Variants in PACSIN2 observed in about 807,000 individuals in gnomAD.
PACSIN2 encodes protein kinase C and casein kinase substrate in neurons protein 2.
In PACSIN2, 25 loss-of-function variants were observed where a neutral mutation model predicts 63.8. The observed-to-expected ratio is 0.39, with a 90% CI of 0.29 to 0.55. PACSIN2 has a LOEUF of 0.55. PACSIN2 is among the 20% of genes least tolerant of loss of function. The pLI is 0.62. For synonymous variants in PACSIN2, 255 were observed against 256.2 expected (o/e 1.00, Z 0.05); for missense variants, 518 against 646.9 (o/e 0.80, Z 2.16).
At chr22:42,897,145 T>G (rs1357689852) in intron 2 of PACSIN2, among the ~76,000 whole-genome samples, 1 of 152,098 alleles carries the variant, frequency 6.6e-6, no homozygotes, top group African/African-American at 2.4e-5. Context: ...CCGTGTTGCC[T>G]AGGCTGGTCT....
At chr22:42,972,071 G>A (rs1601592892) in intron 1 of PACSIN2, among the ~76,000 whole-genome samples, 1 of 152,194 alleles carries the variant, frequency 6.6e-6, no homozygotes, top group Non-Finnish European at 1.5e-5. Flanking sequence ...ATGGGGGGGG[G>A]AAATGTGGGG....
chr22:42,882,033 TTGGTC>T, intron 7 of PACSIN2, 146 bp downstream of exon 7: 1 of 862,078 alleles, frequency 1.2e-6, no homozygotes, highest in Non-Finnish European at 1.8e-6. Context: ...ATGCCAGAAC[TTGGTC>T]TGTACTATAG....
At chr22:42,903,436 C>T (rs1184915972) in intron 2 of PACSIN2, among the ~76,000 whole-genome samples, 1 of 152,202 alleles carries the variant, frequency 6.6e-6, no homozygotes, top group African/African-American at 2.4e-5. Context: ...TGTTTGAAAA[C>T]ACCAAAGAGT....
rs1174606963 is a variant in PACSIN2 at position 42,870,201 on chromosome 22, C to T, written c.*1156G>A. On this transcript the variant is annotated 3_prime_UTR_variant, in exon 11 of 11. Coordinates refer to ENST00000263246, the MANE Select transcript of PACSIN2 (RefSeq NM_001184970.3). ...TCTGCAACTACTGCAAAGACGCGGG[C>T]ACTTTTACAGTGTTCTGCTACGGAG... 6.6e-6 allele frequency: 1 copy of T among 152,168 alleles called. No homozygotes were observed. The highest frequency in any genetic ancestry group is 2.4e-5 in the African/African-American group (1 of 41,432). 9.4% of individuals were successfully genotyped at this position (152,168 alleles called of 1,614,324 possible).
At chr22:42,943,125 ACTC>A (rs1933250379) in intron 1 of PACSIN2, among the ~76,000 whole-genome samples, 2 of 152,074 alleles carry the variant, frequency 1.3e-5, no homozygotes, top group South Asian at 2.1e-4. Context: ...TCATAAATTT[ACTC>A]CTATTTTATT....
chr22:42,953,699 G>A (rs1933797674), intron 1 of PACSIN2, among the ~76,000 whole-genome samples: 1 of 152,132 alleles, frequency 6.6e-6, no homozygotes, highest in Non-Finnish European at 1.5e-5. Context: ...ACTCCGAGAG[G>A]TTAAGTAATG....
intron 1 of PACSIN2, among the ~76,000 whole-genome samples, chr22:42,960,124 A>C (rs6519353): frequency 0.61 from 92,414 of 151,894 alleles, 28,747 homozygotes; most frequent in East Asian, 0.78. Flanking sequence ...CCCCCTCCCC[A>C]ACACACAAAA....
intron 1 of PACSIN2, among the ~76,000 whole-genome samples, chr22:42,994,608 T>A (rs1193727009): frequency 1.3e-5 from 2 of 152,208 alleles, no homozygotes; most frequent in Admixed American, 6.5e-5. Flanking sequence ...GTCTGGGGGT[T>A]ACTGGGGCAG....
intron 1 of PACSIN2, among the ~76,000 whole-genome samples, chr22:42,919,742 C>T (rs1254228884): frequency 4.6e-5 from 6 of 130,562 alleles, no homozygotes; most frequent in African/African-American, 1.8e-4. Context: ...CACTGTACTC[C>T]AGCCTGGGTG....
At chr22:42,924,106 AGAAG>A (rs1371749721) in intron 1 of PACSIN2, among the ~76,000 whole-genome samples, 2 of 151,520 alleles carry the variant, frequency 1.3e-5, no homozygotes, top group Non-Finnish European at 2.9e-5. Flanking sequence ...GCCCCATACT[AGAAG>A]GAAGGGAGGT....
chr22:42,901,711 T>A (rs1237867684), intron 2 of PACSIN2, among the ~76,000 whole-genome samples: 1 of 152,174 alleles, frequency 6.6e-6, no homozygotes, highest in East Asian at 1.9e-4. Context: ...GCTAAGCCAT[T>A]TCTTCACCCT....
At chr22:42,996,159 G>A (rs1341165263) in intron 1 of PACSIN2, among the ~76,000 whole-genome samples, 2 of 152,020 alleles carry the variant, frequency 1.3e-5, no homozygotes, top group African/African-American at 4.8e-5. Context: ...AGCGGAGCTT[G>A]CAATGAGCCG....
At chr22:43,005,588 C>T (rs930302258) in intron 1 of PACSIN2, among the ~76,000 whole-genome samples, 4 of 152,268 alleles carry the variant, frequency 2.6e-5, no homozygotes, top group East Asian at 1.9e-4. Flanking sequence ...CCCGTGACCC[C>T]GAGTCACCAA....
chr22:42,997,860 G>A (rs1490809767), intron 1 of PACSIN2, among the ~76,000 whole-genome samples: 1 of 152,142 alleles, frequency 6.6e-6, no homozygotes, highest in Non-Finnish European at 1.5e-5. Flanking sequence ...CAGCCTGGGC[G>A]ACAGGGCAAG....
At chr22:42,882,499 T>G (rs2146647517) in intron 6 of PACSIN2, among the ~76,000 whole-genome samples, 195 bp from the exon 7 acceptor site, 1 of 152,246 alleles carries the variant, frequency 6.6e-6, no homozygotes, top group East Asian at 1.9e-4. Flanking sequence ...TCCTGACAAA[T>G]GAGCTTTAAA....
chr22:42,972,072 A>C (rs1476097108), intron 1 of PACSIN2, among the ~76,000 whole-genome samples: 4 of 150,090 alleles, frequency 2.7e-5, no homozygotes, highest in Non-Finnish European at 3.0e-5. Context: ...TGGGGGGGGG[A>C]AATGTGGGGA....
At chr22:42,943,757 C>CA (rs1933281545) in intron 1 of PACSIN2, among the ~76,000 whole-genome samples, 2 of 151,898 alleles carry the variant, frequency 1.3e-5, no homozygotes, top group Non-Finnish European at 2.9e-5. Context: ...TTAAGCAACT[C>CA]AAAGAAAAGC....
Position 42,876,315 on chromosome 22 carries a change from C to G in PACSIN2, c.1170G>C (p.Lys390Asn). The G allele has an allele frequency of 6.2e-7, 1 of 1,613,988 alleles. No individual in the cohort carries two copies. The highest frequency in any genetic ancestry group is 8.5e-7 in the Non-Finnish European group (1 of 1,179,868). Residue 390 changes from lysine (K) to asparagine (N), a missense_variant, in exon 10 of 11, where the codon AAG becomes AAC. Around this residue, in one of 2 missense-constraint regions of PACSIN2, gnomAD observed 507 missense variants for 612.3 expected, o/e 0.83. Coordinates refer to ENST00000263246, the MANE Select transcript of PACSIN2 (RefSeq NM_001184970.3). The part of the protein sequence containing the change: ...TKAKNVSSYE[K>N]TQSYPTDWSD... ...ACCAGTCGGTGGGATAGCTCTGGGT[C>G]TTCTCGTAGCTGCTCACACTGCAAG...
intron 1 of PACSIN2, among the ~76,000 whole-genome samples, chr22:43,003,428 C>A (rs1179756358): frequency 6.6e-6 from 1 of 152,132 alleles, no homozygotes. Flanking sequence ...ACGGTGAAAC[C>A]CCGTCTCTAC....
Sources: gnomAD v4.1 joint callset for allele counts (sites outside exome capture counted in the v4.1 genomes callset) on GRCh38, gnomAD v4.1.1 for gene constraint, gnomAD v4.1.1 regional missense constraint, MANE v1.5 for transcripts, NCBI Gene and HGNC (gene_info 2026-07-23, HGNC 2026-07-21) for gene names.